Variants in FASTKD1 observed in about 807,000 individuals in gnomAD.
FASTKD1 encodes FAST kinase domains 1.
A neutral mutation model predicts 90.9 loss-of-function variants in FASTKD1; 94 were observed. That is an observed-to-expected ratio of 1.03 (90% CI 0.88 to 1.23). The LOEUF is 1.23. FASTKD1 is among the 50% of genes most tolerant of loss of function. The probability of loss-of-function intolerance (pLI) is 0.00; values close to 1 mark genes in which losing one functional copy is unlikely to be tolerated. For missense variants in FASTKD1, 945 were observed against 993.5 expected (o/e 0.95, Z 0.66); for synonymous variants, 319 against 345.8 (o/e 0.92, Z 0.86).
rs752769170 is a variant in FASTKD1 at position 169,529,938 on chromosome 2, T to G, written c.2443-12A>C. 1 of 1,578,954 alleles carries G rather than the reference T, an allele frequency of 6.3e-7. No homozygotes were observed. Among genetic ancestry groups the G allele is most frequent in the South Asian group, 1.1e-5 (1 of 88,358 alleles). ...TCAAACTGGGAAATCTGAAAATAAG[T>G]AATGTTGTTTGAATGAAAGTTTTAA... On this transcript the variant is annotated splice_polypyrimidine_tract_variant and intron_variant, in intron 14 of 14. Transcript: ENST00000453153.
chr2:169,565,020 T>A (rs1353557641), intron 3 of FASTKD1, among the ~76,000 whole-genome samples: 1 of 148,646 alleles, frequency 6.7e-6, no homozygotes, highest in Non-Finnish European at 1.5e-5. Context: ...AATGGCGCGA[T>A]CTCGGTTCAC....
chr2:169,530,766 T>G, intron 13 of FASTKD1, 65 bp from the exon 14 acceptor site: 1 of 850,148 alleles, frequency 1.2e-6, no homozygotes, highest in Non-Finnish European at 1.9e-6. Flanking sequence ...TTACAAGCTT[T>G]TCAGAAACAA....
In FASTKD1 at chr2:169,564,054, G is replaced by A. The variant is rs73971631; in HGVS notation, c.447-704C>T. 6.6e-3 allele frequency among the ~76,000 whole-genome samples: 1,001 copies of A among 152,140 alleles called. 12 individuals are homozygous for A. Among genetic ancestry groups the A allele is most frequent in the African/African-American group, 0.022 (928 of 41,502 alleles). On this transcript the variant is annotated intron_variant, in intron 3 of 14. Coordinates refer to ENST00000453153, the MANE Select transcript of FASTKD1 (RefSeq NM_024622.6). ...GAACATGAAAAGAACTAATGATGTT[G>A]TTTCCTTATCTTGGTGCTGTTACAT...
chr2:169,561,772 AAATTATTTATTAATTTATTG>A lies in FASTKD1; in HGVS notation c.573-1007_573-988del, dbSNP rs1381679130. ...TATAAATTATTTATTAATTTATTGT[AAATTATTTATTAATTTATTG>A]TAAATTATTTATTAATTTATTGTAA... On this transcript the variant is annotated intron_variant, in intron 4 of 14. Transcript: ENST00000453153. 2.0e-3 allele frequency among the ~76,000 whole-genome samples: 291 copies of A among 144,028 alleles called. 7 individuals carry two copies. Among genetic ancestry groups the A allele is most frequent in the African/African-American group, 5.5e-3 (210 of 38,294 alleles). The allele number at this position is 144,028 out of a possible 152,430, so 94.5% of individuals were successfully genotyped here. A position where few individuals can be genotyped will look rare whatever the true frequency, so the allele number is the denominator to read the frequency against.
At chr2:169,546,823 T>G in intron 7 of FASTKD1, 119 bp from the exon 8 acceptor site, 8 of 1,018,534 alleles carry the variant, frequency 7.9e-6, no homozygotes, top group Non-Finnish European at 9.8e-6. Flanking sequence ...AAAACCTCTT[T>G]CAAACTATGT....
Position 169,531,390 on chromosome 2 carries a change from G to A in FASTKD1, c.2289C>T (p.Ile763=), listed in dbSNP as rs571026222. The change falls in exon 13 of 15, where the codon ATC becomes ATT. Residue 763 remains isoleucine (I), a synonymous_variant. Coordinates refer to ENST00000453153, the MANE Select transcript of FASTKD1 (RefSeq NM_024622.6). ...QLPEMPWESN[I]EIVGSRLPPG... ...GTGGCAGCCTTGATCCAACTATTTC[G>A]ATATTTGATTCCCAGGGCATTTCTG... The A allele has an allele frequency of 4.6e-5, 75 of 1,613,238 alleles. No individual in the cohort carries two copies. The South Asian group carries it at 6.5e-4, about 14-fold the overall frequency.
At chr2:169,531,295 G>C (rs749330508) in intron 13 of FASTKD1, 57 bp downstream of exon 13, 1 of 1,545,220 alleles carries the variant, frequency 6.5e-7, no homozygotes, top group Non-Finnish European at 8.9e-7. Flanking sequence ...CTTCAGTATA[G>C]TACACCAAAT....
chr2:169,535,651 T>C (rs144540546), intron 12 of FASTKD1, among the ~76,000 whole-genome samples: 20 of 152,134 alleles, frequency 1.3e-4, no homozygotes, highest in Non-Finnish European at 2.4e-4. Flanking sequence ...TCAATCCTGA[T>C]TAACATAAAA....
rs758574832 is a variant in FASTKD1 at position 169,571,758 on chromosome 2, T to C, written c.272A>G (p.Tyr91Cys). The C allele has an allele frequency of 3.3e-5, 54 of 1,614,104 alleles. No homozygotes were observed. Among genetic ancestry groups the C allele is most frequent in the Admixed American group, 2.7e-4 (16 of 60,018 alleles). ...AAGAAATTGAGGATGGTCTCTGACA[T>C]ACTCAGCATTTTTTAACAGGCTGGT... ...QKTSLLKNAE[Y>C]VRDHPQFLTL... The change falls in exon 2 of 15, where the codon TAT becomes TGT. Residue 91 changes from tyrosine (Y) to cysteine (C), a missense_variant. Coordinates refer to ENST00000453153, the MANE Select transcript of FASTKD1 (RefSeq NM_024622.6).
At chr2:169,529,978 A>C in intron 14 of FASTKD1, 52 bp from the exon 15 acceptor site, 1 of 1,276,974 alleles carries the variant, frequency 7.8e-7, no homozygotes, top group Non-Finnish European at 1.1e-6. Context: ...ACAACAAAAA[A>C]CATTGAGGAA....
chr2:169,561,952 T>TGTTAATTTATTGTAAATTAATTATTC lies in FASTKD1; in HGVS notation c.573-1168_573-1167insGAATAATTAATTTACAATAAATTAAC, dbSNP rs1559157126. ...ATTTGTTAATTTATTATAAATTAAT[T>TGTTAATTTATTGTAAATTAATTATTC]ATTAATTTATTGTAAATTAATTATT... On this transcript the variant is annotated intron_variant, in intron 4 of 14. Transcript: ENST00000453153. 1.3e-3 allele frequency among the ~76,000 whole-genome samples: 153 copies of TGTTAATTTATTGTAAATTAATTATTC among 121,138 alleles called. 21 individuals are homozygous for TGTTAATTTATTGTAAATTAATTATTC. Among genetic ancestry groups the TGTTAATTTATTGTAAATTAATTATTC allele is most frequent in the African/African-American group, 4.5e-3 (146 of 32,568 alleles). 79.5% of individuals were successfully genotyped at this position (121,138 alleles called of 152,430 possible). A position where few individuals can be genotyped will look rare whatever the true frequency, so the allele number is the denominator to read the frequency against.
chr2:169,570,946 G>A (rs1280646376), intron 2 of FASTKD1: 1 of 152,162 alleles, frequency 6.6e-6, no homozygotes, highest in Non-Finnish European at 1.5e-5. Flanking sequence ...AAAGTGCTGG[G>A]ATTACAAGTG....
intron 4 of FASTKD1, among the ~76,000 whole-genome samples, chr2:169,561,895 A>G (rs1683666665): frequency 7.0e-6 from 1 of 142,204 alleles, no homozygotes; most frequent in South Asian, 2.1e-4. Context: ...TAAATTATTT[A>G]TTATAAATTA....
Position 169,572,052 on chromosome 2 carries a change from T to C in FASTKD1, c.-23A>G, listed in dbSNP as rs1189590076. 6.5e-7 allele frequency: 1 copy of C among 1,542,744 alleles called. No individual in the cohort carries two copies. Among genetic ancestry groups the C allele is most frequent in the Non-Finnish European group, 8.7e-7 (1 of 1,146,838 alleles). ...CATTTATATCACAAGTTTTCTTAGG[T>C]AAACAAAACCATCTGCAACTAGTCG... is the stretch of plus-strand genomic sequence containing the variant. On this transcript the variant is annotated 5_prime_UTR_variant, in exon 2 of 15. Coordinates refer to ENST00000453153, the MANE Select transcript of FASTKD1 (RefSeq NM_024622.6).
chr2:169,531,036 C>A (rs1386820077), intron 13 of FASTKD1: 1 of 667,594 alleles, frequency 1.5e-6, no homozygotes, highest in Non-Finnish European at 2.8e-6. Context: ...TAGTAAGTTA[C>A]TGTAATGCAG....
intron 5 of FASTKD1, among the ~76,000 whole-genome samples, chr2:169,558,219 T>C (rs188910193): frequency 6.6e-6 from 1 of 152,304 alleles, no homozygotes; most frequent in Admixed American, 6.5e-5. Flanking sequence ...TTAACAGTAC[T>C]TGGTGACAAA....
chr2:169,570,617 A>G lies in FASTKD1; in HGVS notation c.377+1036T>C, dbSNP rs186886807. On this transcript the variant is annotated intron_variant, in intron 2 of 14. Coordinates refer to ENST00000453153, the MANE Select transcript of FASTKD1 (RefSeq NM_024622.6). The stretch of plus-strand genomic sequence containing the variant: ...CCGTCCATTTAATTACAATAACGAG[A>G]TTGCAAACAAGTTATCACAGACAAA... Among the ~76,000 whole-genome samples the G allele has an allele frequency of 6.5e-4, 98 of 151,746 alleles. 1 individual carries two copies. The East Asian group carries it at 0.013, about 21-fold the overall frequency.
chr2:169,548,858 G>C (rs1162424077), intron 7 of FASTKD1, among the ~76,000 whole-genome samples: 2 of 152,006 alleles, frequency 1.3e-5, no homozygotes, highest in Admixed American at 1.3e-4. Flanking sequence ...ACTTTGGGAG[G>C]CCAAGGCGGG....
At chr2:169,563,896 A>G (rs1683833273) in intron 3 of FASTKD1, among the ~76,000 whole-genome samples, 5 of 152,212 alleles carry the variant, frequency 3.3e-5, no homozygotes, top group Admixed American at 3.3e-4. Context: ...GAATCATACA[A>G]CATAATGGAT....
Sources: gnomAD v4.1 joint callset for allele counts (sites outside exome capture counted in the v4.1 genomes callset) on GRCh38, gnomAD v4.1.1 for gene constraint, MANE v1.5 for transcripts, NCBI Gene and HGNC (gene_info 2026-07-23, HGNC 2026-07-21) for gene names.